ABAT: variants seen among roughly 807,000 people sequenced by gnomAD.
ABAT encodes the protein 4-aminobutyrate aminotransferase, also known as 4-aminobutyrate aminotransferase, mitochondrial.
ABAT carries 45 observed loss-of-function variants against 64.6 expected under a neutral mutation model. The observed-to-expected ratio is 0.70, with a 90% CI of 0.55 to 0.89. The LOEUF (loss-of-function observed/expected upper bound fraction) is 0.89, where lower values mean the gene tolerates loss of function less well. Among genes scored for constraint, ABAT ranks in the 40% least tolerant of loss-of-function variants. The probability of loss-of-function intolerance (pLI) is 0.00; values close to 1 mark genes in which losing one functional copy is unlikely to be tolerated. For missense variants in ABAT, 633 were observed against 658.4 expected (o/e 0.96, Z 0.42); for synonymous variants, 297 against 250.5 (o/e 1.19, Z -1.75).
At chr16:8,713,740 G>T in intron 1 of ABAT, 1 of 393,402 alleles carries the variant, frequency 2.5e-6, no homozygotes, top group East Asian at 7.4e-5. Context: ...GGAGGGAGCT[G>T]GTGCCCAACG....
intron 1 of ABAT, chr16:8,705,635 T>A (rs959403242): frequency 3.3e-5 from 5 of 152,208 alleles, no homozygotes; most frequent in African/African-American, 1.2e-4. Context: ...GGGGTGATGG[T>A]CTGGCTTTCA....
At chr16:8,761,122 C>T (rs2059783777) in intron 6 of ABAT, among the ~76,000 whole-genome samples, 1 of 151,832 alleles carries the variant, frequency 6.6e-6, no homozygotes, top group South Asian at 2.1e-4. Context: ...AAAACAAAGG[C>T]CCAGGGATTC....
intron 5 of ABAT, among the ~76,000 whole-genome samples, chr16:8,754,767 G>A (rs1596457891): frequency 1.3e-5 from 2 of 150,148 alleles, no homozygotes; most frequent in Non-Finnish European, 3.0e-5. Flanking sequence ...TGCCCAGGCT[G>A]GAGTGCAGTG....
chr16:8,719,898 G>A (rs2058318907), intron 1 of ABAT, among the ~76,000 whole-genome samples: 2 of 152,292 alleles, frequency 1.3e-5, no homozygotes, highest in African/African-American at 2.4e-5. Flanking sequence ...TGCAACATTC[G>A]GTTCTCAGGT....
At chr16:8,690,756 T>C (rs1175928703) in intron 1 of ABAT, among the ~76,000 whole-genome samples, 1 of 152,212 alleles carries the variant, frequency 6.6e-6, no homozygotes, top group Non-Finnish European at 1.5e-5. Context: ...TCTGCTGGGT[T>C]TCTATAGAAT....
At chr16:8,699,048 T>C (rs2057763437) in intron 1 of ABAT, among the ~76,000 whole-genome samples, 1 of 152,224 alleles carries the variant, frequency 6.6e-6, no homozygotes, top group South Asian at 2.1e-4. Flanking sequence ...GGTATGTACC[T>C]AGGGGTGGAA....
chr16:8,746,184 G>A (rs1253264589), intron 3 of ABAT, 86 bp downstream of exon 3: 2 of 968,154 alleles, frequency 2.1e-6, no homozygotes, highest in Non-Finnish European at 3.3e-6. Context: ...TTAGGGACCT[G>A]TATTGATTGT....
chr16:8,741,266 T>C (rs2059154696), intron 2 of ABAT, among the ~76,000 whole-genome samples: 1 of 152,266 alleles, frequency 6.6e-6, no homozygotes, highest in Non-Finnish European at 1.5e-5. Context: ...TTTGTGATCA[T>C]GATCAAAATT....
At chr16:8,704,919 C>T (rs1375614732) in intron 1 of ABAT, among the ~76,000 whole-genome samples, 1 of 152,158 alleles carries the variant, frequency 6.6e-6, no homozygotes, top group Non-Finnish European at 1.5e-5. Context: ...CTCCTGGCCT[C>T]AAGCAATCCT....
chr16:8,726,022 C>G (rs1243125060), intron 1 of ABAT, among the ~76,000 whole-genome samples: 1 of 151,980 alleles, frequency 6.6e-6, no homozygotes, highest in Non-Finnish European at 1.5e-5. Context: ...AACACAGACC[C>G]TTCTATTCTT....
intron 1 of ABAT, chr16:8,722,745 C>A (rs1275469173): frequency 1.4e-5 from 16 of 1,179,062 alleles, no homozygotes; most frequent in Admixed American, 9.4e-5. Context: ...ACCAGGAATC[C>A]TTCACCTGCT....
rs772511380 is a variant in ABAT at position 8,738,616 on chromosome 16, G to GTTTTTTTTTTTTTTTTTTTTTT, written c.70+2812_70+2813insTTTTTTTTTTTTTTTTTTTTTT. Reference sequence around the variant, plus strand: ...TTTTTTCTTTTTTGTTTTTGTTTTTGTTTTTGTTTTTGTTTTTTTTTTGGT... The same window carrying GTTTTTTTTTTTTTTTTTTTTTT: ...TTTTTTCTTTTTTGTTTTTGTTTTTGTTTTTTTTTTTTTTTTTTTTTTTTTTTGTTTTTGTTTTTTTTTTGGT... On this transcript the variant is annotated intron_variant, in intron 2 of 15. Transcript: ENST00000268251. Among the ~76,000 whole-genome samples, 6 of 117,572 alleles carry GTTTTTTTTTTTTTTTTTTTTTT rather than the reference G, an allele frequency of 5.1e-5. 1 individual carries two copies. Among genetic ancestry groups the GTTTTTTTTTTTTTTTTTTTTTT allele is most frequent in the East Asian group, 5.3e-4 (2 of 3,740 alleles). The allele number at this position is 117,572 out of a possible 152,430, so 77.1% of individuals were successfully genotyped here.
intron 1 of ABAT, among the ~76,000 whole-genome samples, chr16:8,719,115 C>T (rs1032160334): frequency 4.6e-5 from 7 of 152,142 alleles, no homozygotes; most frequent in East Asian, 3.9e-4. Flanking sequence ...CACGGGAACA[C>T]GAGATCCCAC....
At chr16:8,763,681 G>A (rs961272100) in intron 6 of ABAT, among the ~76,000 whole-genome samples, 1 of 152,196 alleles carries the variant, frequency 6.6e-6, no homozygotes, top group Non-Finnish European at 1.5e-5. Flanking sequence ...AGGGATTACA[G>A]GCGTGAGGCA....
intron 14 of ABAT, among the ~76,000 whole-genome samples, chr16:8,778,675 G>A (rs2060338650): frequency 6.6e-6 from 1 of 151,948 alleles, no homozygotes; most frequent in African/African-American, 2.4e-5. Context: ...GTATTTAGGA[G>A]GCTGAAGCAC....
intron 2 of ABAT, among the ~76,000 whole-genome samples, chr16:8,740,761 A>G (rs966548093): frequency 7.2e-5 from 11 of 152,256 alleles, no homozygotes; most frequent in African/African-American, 2.7e-4. Context: ...GGGAGACCAC[A>G]TCAAAATTGT....
At chr16:8,736,907 A>C (rs568413348) in intron 2 of ABAT, 6 of 152,244 alleles carry the variant, frequency 3.9e-5, no homozygotes, top group African/African-American at 1.4e-4. Context: ...ACATGCCCCG[A>C]GAGTGGCCTC....
In ABAT at chr16:8,776,313, G is replaced by T. The variant is rs763778522; in HGVS notation, c.1123-31G>T. Reference sequence around the variant, plus strand: ...ACTCCTGCAGGGTGTGCATGTGTGTGAAGCCTTCCAACACCCGTTCCTCAT... The same window carrying T: ...ACTCCTGCAGGGTGTGCATGTGTGTTAAGCCTTCCAACACCCGTTCCTCAT... On this transcript the variant is annotated intron_variant, in intron 13 of 15. Coordinates refer to ENST00000268251, the MANE Select transcript of ABAT (RefSeq NM_020686.6). The surrounding 1 kb of genome is among the most constrained non-coding windows in gnomAD (Gnocchi z 4.4). The T allele has an allele frequency of 3.1e-6, 5 of 1,613,854 alleles. No individual in the cohort carries two copies. In the East Asian group the frequency reaches 6.7e-5, roughly 22 times the overall value.
chr16:8,771,105 G>A lies in ABAT; in HGVS notation c.817-1675G>A, dbSNP rs533234562. 1.8e-4 allele frequency among the ~76,000 whole-genome samples: 28 copies of A among 152,184 alleles called. 1 individual carries two copies. The highest frequency in any genetic ancestry group is 1.7e-3 in the Admixed American group (26 of 15,284). On this transcript the variant is annotated intron_variant, in intron 11 of 15. Transcript: ENST00000268251. Reference sequence around the variant, plus strand: ...GAGGTCAGGAGTTCAAGAGCAGCCTGACTAACATGGAGAAACCCCATCTCT... The same window carrying A: ...GAGGTCAGGAGTTCAAGAGCAGCCTAACTAACATGGAGAAACCCCATCTCT...
Sources: gnomAD v4.1 joint callset for allele counts (sites outside exome capture counted in the v4.1 genomes callset) on GRCh38, gnomAD v4.1.1 for gene constraint, Gnocchi (gnomAD v3.1) non-coding constraint, MANE v1.5 for transcripts, NCBI Gene and HGNC (gene_info 2026-07-23, HGNC 2026-07-21) for gene names.